The following ZNF143 variants were observed in gnomAD, a reference collection of about 807,000 sequenced individuals.
ZNF143 encodes SPH-binding factor.
A neutral mutation model predicts 74.1 loss-of-function variants in ZNF143; 49 were observed. That is an observed-to-expected ratio of 0.66 (90% confidence interval 0.53 to 0.84). The LOEUF is 0.84. ZNF143 is among the 40% of genes least tolerant of loss of function. ZNF143 has a pLI of 0.00. For missense variants in ZNF143, 637 were observed against 793.4 expected (o/e 0.80, Z 2.37); for synonymous variants, 304 against 282.8 (o/e 1.07, Z -0.75).
At chr11:9,462,940 C>CGTT (rs1427185808) in intron 1 of ZNF143, among the ~76,000 whole-genome samples, 1 of 152,036 alleles carries the variant, frequency 6.6e-6, no homozygotes, top group African/African-American at 2.4e-5. Context: ...AATTTAGCAA[C>CGTT]ATATCACCCC....
At chr11:9,469,215 C>CTTTTTTTTTTTTT (rs33968880) in intron 1 of ZNF143, among the ~76,000 whole-genome samples, 1 of 97,464 alleles carries the variant, frequency 1.0e-5, no homozygotes, top group Non-Finnish European at 2.0e-5. Flanking sequence ...CAGCAGGGGT[C>CTTTTTTTTTTTTT]TTTTTTTTTT....
At chr11:9,464,815 C>G (rs976135803) in intron 1 of ZNF143, among the ~76,000 whole-genome samples, 1 of 151,758 alleles carries the variant, frequency 6.6e-6, no homozygotes, top group Non-Finnish European at 1.5e-5. Flanking sequence ...CCCAGCTACT[C>G]AGGAGGCTGA....
intron 11 of ZNF143, among the ~76,000 whole-genome samples, chr11:9,506,301 C>A (rs563708401): frequency 5.3e-5 from 8 of 152,196 alleles, no homozygotes; most frequent in Non-Finnish European, 4.4e-5. Context: ...CATTGCACTT[C>A]CAGCATGGGT....
chr11:9,511,126 T>C, intron 12 of ZNF143, among the ~76,000 whole-genome samples: 1 of 148,162 alleles, frequency 6.7e-6, no homozygotes, highest in Non-Finnish European at 1.5e-5. Context: ...TTTTTTTTTT[T>C]TGAGACGGAG....
chr11:9,483,214 G>T (rs1372301001), intron 7 of ZNF143, among the ~76,000 whole-genome samples: 1 of 146,904 alleles, frequency 6.8e-6, no homozygotes, highest in Non-Finnish European at 1.5e-5. Context: ...GGTTGGTCTC[G>T]AACTCCTGAC....
chr11:9,488,425 A>G (rs746001486), intron 7 of ZNF143, among the ~76,000 whole-genome samples: 3 of 152,146 alleles, frequency 2.0e-5, no homozygotes, highest in Non-Finnish European at 4.4e-5. Flanking sequence ...CATGAAACTC[A>G]TTCTATTATG....
intron 13 of ZNF143, 92 bp downstream of exon 13, chr11:9,512,688 A>G (rs1848593770): frequency 1.4e-5 from 21 of 1,514,706 alleles, no homozygotes; most frequent in Non-Finnish European, 1.8e-5. Context: ...AAGCTTTGAA[A>G]TATCAGGGCA....
intron 2 of ZNF143, among the ~76,000 whole-genome samples, chr11:9,471,758 G>T (rs572215465): frequency 1.3e-5 from 2 of 151,794 alleles, no homozygotes; most frequent in African/African-American, 4.8e-5. Context: ...CACCACGTTG[G>T]CCAGGCTGGT....
At chr11:9,488,941 G>C (rs1388156180) in intron 7 of ZNF143, among the ~76,000 whole-genome samples, 2 of 152,096 alleles carry the variant, frequency 1.3e-5, no homozygotes, top group African/African-American at 2.4e-5. Flanking sequence ...TGTTAGCCTA[G>C]ATTGGAGATA....
At chr11:9,494,797 T>C in intron 8 of ZNF143, 32 bp downstream of exon 8, 2 of 1,575,780 alleles carry the variant, frequency 1.3e-6, no homozygotes, top group Non-Finnish European at 1.7e-6. Flanking sequence ...TATCTAGTTA[T>C]GAGAATACCT....
chr11:9,468,690 A>G (rs765734731), intron 1 of ZNF143, among the ~76,000 whole-genome samples: 7 of 152,172 alleles, frequency 4.6e-5, no homozygotes, highest in Non-Finnish European at 7.3e-5. Context: ...CTATATTTAA[A>G]TATAACTCAA....
intron 12 of ZNF143, among the ~76,000 whole-genome samples, chr11:9,509,613 AT>A (rs1848471364): frequency 1.3e-5 from 2 of 152,124 alleles, no homozygotes; most frequent in Admixed American, 1.3e-4. Flanking sequence ...ATCTTTTTTC[AT>A]TTTTAACAAC....
intron 1 of ZNF143, among the ~76,000 whole-genome samples, chr11:9,469,004 C>A (rs975916905): frequency 4.8e-4 from 72 of 151,304 alleles, no homozygotes; most frequent in African/African-American, 1.7e-3. Flanking sequence ...TGTGGTGGCA[C>A]GTACCTGTAA....
rs566164043 is a variant in ZNF143 at position 9,514,147 on chromosome 11, G to A, written c.1524+1551G>A. Among the ~76,000 whole-genome samples, 30 of 152,214 alleles carry A rather than the reference G, an allele frequency of 2.0e-4. No individual in the cohort carries two copies. In the South Asian group the frequency reaches 3.7e-3, roughly 19 times the overall value. ...TCCTGGCCTCAGGTGATCCTCCTGC[G>A]TCAGCCTCCCAGAGCGCTGGGATTT... On this transcript the variant is annotated intron_variant, in intron 13 of 15. Coordinates refer to ENST00000396602, the MANE Select transcript of ZNF143 (RefSeq NM_003442.6).
rs1256159432 is a variant in ZNF143 at position 9,505,042 on chromosome 11, AG to A, written c.1148-3575del. Among the ~76,000 whole-genome samples, 4 of 84,544 alleles carry A rather than the reference AG, an allele frequency of 4.7e-5. 1 individual carries two copies. The highest frequency in any genetic ancestry group is 7.5e-5 in the African/African-American group (2 of 26,546). The allele number at this position is 84,544 out of a possible 152,430, so 55.5% of individuals were successfully genotyped here. The stretch of plus-strand genomic sequence containing the variant: ...AGGCTGGAGTGCAATGGCACGATCT[AG>A]GCTCACTGCAACCTCCGCCTCCTGG... On this transcript the variant is annotated intron_variant, in intron 11 of 15. Transcript: ENST00000396602.
intron 8 of ZNF143, among the ~76,000 whole-genome samples, chr11:9,495,997 A>T (rs982409578): frequency 6.6e-6 from 1 of 152,046 alleles, no homozygotes; most frequent in Non-Finnish European, 1.5e-5. Flanking sequence ...AGTCTCTCCC[A>T]GCCCCCTGCT....
chr11:9,468,592 G>A (rs1393091702), intron 1 of ZNF143, among the ~76,000 whole-genome samples: 1 of 152,208 alleles, frequency 6.6e-6, no homozygotes, highest in East Asian at 1.9e-4. Flanking sequence ...TGGAGTCTGC[G>A]AGAACTCTAT....
chr11:9,508,830 C>A lies in ZNF143; in HGVS notation c.1359C>A (p.Phe453Leu). The change falls in exon 12 of 16, where the codon TTC becomes TTA. Residue 453 changes from phenylalanine (F) to leucine (L), a missense_variant. By Grantham distance (22) the Phe-to-Leu change is conservative. This residue lies in a region of ZNF143 where 344 missense variants were observed against 485.6 expected (regional missense o/e 0.71). Coordinates refer to ENST00000396602, the MANE Select transcript of ZNF143 (RefSeq NM_003442.6). ...TEPIEEEQEAFFEPPPGQGED... is the reference protein window; with the variant it reads ...TEPIEEEQEALFEPPPGQGED... ...CCATCGAGGAGGAGCAGGAAGCCTT[C>A]TTTGAGCCGCCCCCAGGTGAGAGTT... 6.3e-7 allele frequency: 1 copy of A among 1,589,718 alleles called. No homozygotes were observed. The highest frequency in any genetic ancestry group is 2.3e-5 in the East Asian group (1 of 43,608).
intron 6 of ZNF143, 25 bp downstream of exon 6, chr11:9,478,611 A>G (rs1262760051): frequency 6.3e-7 from 1 of 1,587,220 alleles, no homozygotes; most frequent in Admixed American, 1.7e-5. Flanking sequence ...AATGTCAAGA[A>G]TGTTGCAGAT....
Sources: allele counts gnomAD v4.1 joint callset (sites outside exome capture counted in the v4.1 genomes callset), GRCh38; gene constraint gnomAD v4.1.1; regional missense constraint gnomAD v4.1.1; transcripts MANE v1.5; gene names NCBI Gene and HGNC (gene_info 2026-07-23, HGNC 2026-07-21).